The following FSTL4 variants were observed in gnomAD, a reference collection of about 807,000 sequenced individuals.
FSTL4 encodes the protein follistatin-related protein 4.
In FSTL4, 28 loss-of-function variants were observed where a neutral mutation model predicts 78.2. The observed-to-expected ratio is 0.36, with a 90% CI of 0.27 to 0.49. The LOEUF is 0.49. FSTL4 is among the 20% of genes least tolerant of loss of function. The pLI is 0.98. For synonymous variants in FSTL4, 422 were observed against 440.5 expected, an observed-to-expected ratio of 0.96 and a Z score of 0.53; for missense variants, 922 against 1,084.9, an observed-to-expected ratio of 0.85 and a Z score of 2.11.
At chr5:133,665,189 T>A in the FSTL4 span, among the ~76,000 whole-genome samples, 3 of 152,198 alleles carry the variant, frequency 2.0e-5, no homozygotes, top group African/African-American at 7.2e-5. Context: ...AATTGCAGTA[T>A]TTAGGATAGA....
chr5:133,560,339 G>A (rs1165140843), intron 3 of FSTL4, among the ~76,000 whole-genome samples: 1 of 152,158 alleles, frequency 6.6e-6, no homozygotes, highest in Non-Finnish European at 1.5e-5. Flanking sequence ...GATGATTTCT[G>A]ACACCAGTGC....
intron 3 of FSTL4, among the ~76,000 whole-genome samples, chr5:133,494,136 A>G (rs1290332091): frequency 1.3e-5 from 2 of 152,212 alleles, no homozygotes; most frequent in East Asian, 3.8e-4. Context: ...TCCATTTTAC[A>G]GTTATGGATA....
chr5:133,623,022 T>C, the FSTL4 span, among the ~76,000 whole-genome samples: 2 of 152,104 alleles, frequency 1.3e-5, no homozygotes, highest in Non-Finnish European at 2.9e-5. Flanking sequence ...TAGTTTTATG[T>C]TTCACAATTA....
the FSTL4 span, among the ~76,000 whole-genome samples, chr5:133,781,373 G>A: frequency 3.6e-4 from 6 of 16,568 alleles, no homozygotes; most frequent in Non-Finnish European, 6.1e-4. Flanking sequence ...GGTTGTGTGT[G>A]TGTGTGTGTG....
intron 6 of FSTL4, among the ~76,000 whole-genome samples, chr5:133,259,518 CTTT>C (rs3976227): frequency 7.6e-4 from 96 of 126,382 alleles, no homozygotes; most frequent in South Asian, 6.0e-3. Context: ...ATTTTTTTTT[CTTT>C]TTTTTTTTTT....
intron 3 of FSTL4, among the ~76,000 whole-genome samples, chr5:133,466,931 A>C (rs974347079): frequency 6.7e-6 from 1 of 149,864 alleles, no homozygotes; most frequent in African/African-American, 2.5e-5. Context: ...TGTGTGTGAG[A>C]ATATGAGTGT....
At chr5:133,226,409 G>T (rs1459930045) in intron 8 of FSTL4, among the ~76,000 whole-genome samples, 1 of 152,124 alleles carries the variant, frequency 6.6e-6, no homozygotes, top group African/African-American at 2.4e-5. Flanking sequence ...CAGGGTTGGG[G>T]GTGTGAGCCT....
chr5:133,759,657 C>G, the FSTL4 span, among the ~76,000 whole-genome samples: 3 of 152,260 alleles, frequency 2.0e-5, no homozygotes, highest in Admixed American at 2.0e-4. Flanking sequence ...CCATATAATC[C>G]TATTTCCATG....
chr5:133,703,920 T>C, the FSTL4 span, among the ~76,000 whole-genome samples: 132 of 152,326 alleles, frequency 8.7e-4, no homozygotes, highest in African/African-American at 3.1e-3. Context: ...GATTTTCATT[T>C]CGCTCAGGCC....
At chr5:133,604,357 C>G (rs1227277764) in intron 1 of FSTL4, among the ~76,000 whole-genome samples, 1 of 152,130 alleles carries the variant, frequency 6.6e-6, no homozygotes, top group Non-Finnish European at 1.5e-5. Context: ...GCCATATAGC[C>G]ACGCCTTAGT....
chr5:133,646,080 G>A, the FSTL4 span, among the ~76,000 whole-genome samples: 1 of 152,142 alleles, frequency 6.6e-6, no homozygotes, highest in Non-Finnish European at 1.5e-5. Flanking sequence ...CAGTCCAGGA[G>A]AGCAAACAGA....
At chr5:133,745,847 T>C in the FSTL4 span, among the ~76,000 whole-genome samples, 3 of 152,366 alleles carry the variant, frequency 2.0e-5, no homozygotes, top group South Asian at 4.1e-4. Context: ...ACATTACCCC[T>C]GCAGGGGTTC....
chr5:133,339,175 T>C (rs1754532839), intron 4 of FSTL4, among the ~76,000 whole-genome samples: 1 of 152,172 alleles, frequency 6.6e-6, no homozygotes, highest in African/African-American at 2.4e-5. Flanking sequence ...GCTAGAATCT[T>C]GCCCCCGCCC....
chr5:133,702,588 A>C, the FSTL4 span, among the ~76,000 whole-genome samples: 1 of 152,058 alleles, frequency 6.6e-6, no homozygotes, highest in African/African-American at 2.4e-5. Context: ...CTTCAACACC[A>C]CTTACCACTT....
chr5:133,562,180 T>A (rs1265035680), intron 3 of FSTL4, among the ~76,000 whole-genome samples: 1 of 152,162 alleles, frequency 6.6e-6, no homozygotes, highest in African/African-American at 2.4e-5. Flanking sequence ...ATTCCCTACA[T>A]CTGCAGCTAT....
intron 5 of FSTL4, among the ~76,000 whole-genome samples, chr5:133,313,480 C>T (rs576111019): frequency 1.3e-5 from 2 of 152,252 alleles, no homozygotes; most frequent in South Asian, 2.1e-4. Flanking sequence ...ATCAGCCACA[C>T]GTCCCAAGGT....
chr5:133,367,567 T>C (rs1363954583), intron 4 of FSTL4, among the ~76,000 whole-genome samples: 1 of 152,178 alleles, frequency 6.6e-6, no homozygotes, highest in African/African-American at 2.4e-5. Context: ...ATGTGACAAA[T>C]TTCTGCTTTC....
chr5:133,610,190 C>T (rs563514565), intron 1 of FSTL4, among the ~76,000 whole-genome samples: 1 of 152,180 alleles, frequency 6.6e-6, no homozygotes, highest in Non-Finnish European at 1.5e-5. Context: ...ATCCAACCTC[C>T]TCTTCCCTCA....
rs1297389855 is a variant in FSTL4 at position 133,612,363 on chromosome 5, G to A, written c.-49C>T. The stretch of plus-strand genomic sequence containing the variant: ...GGCCGAGGGGAAGACCAGGTGGCCG[G>A]ACTTGGGCGGGAGGGAGGGAGCACC... On this transcript the variant is annotated 5_prime_UTR_variant, in exon 1 of 16. Coordinates refer to ENST00000265342, the MANE Select transcript of FSTL4 (RefSeq NM_015082.2). The surrounding 1 kb of genome is among the most constrained non-coding windows in gnomAD (Gnocchi z 6.2). The A allele has an allele frequency of 7.0e-5, 10 of 143,284 alleles. No individual in the cohort carries two copies. The highest frequency in any genetic ancestry group is 2.2e-4 in the African/African-American group (9 of 40,042). 8.9% of individuals were successfully genotyped at this position (143,284 alleles called of 1,614,324 possible). A position where few individuals can be genotyped will look rare whatever the true frequency, so the allele number is the denominator to read the frequency against.
Sources: gnomAD v4.1 joint callset for allele counts (sites outside exome capture counted in the v4.1 genomes callset) on GRCh38, gnomAD v4.1.1 for gene constraint, Gnocchi (gnomAD v3.1) non-coding constraint, MANE v1.5 for transcripts, NCBI Gene and HGNC (gene_info 2026-07-23, HGNC 2026-07-21) for gene names.